Variants in RASGEF1A observed in about 807,000 individuals in gnomAD.
RASGEF1A encodes ras-GEF domain-containing family member 1A.
RASGEF1A carries 18 observed loss-of-function variants against 56.4 expected under a neutral mutation model. The observed-to-expected ratio is 0.32, with a 90% CI of 0.22 to 0.47. The LOEUF is 0.47. Ranked by LOEUF, RASGEF1A falls within the 20% of genes least tolerant of loss-of-function variation. The pLI is 1.00. For synonymous variants in RASGEF1A, 245 were observed against 242.6 expected, an observed-to-expected ratio of 1.01 and a Z score of -0.09; for missense variants, 422 against 627.1, an observed-to-expected ratio of 0.67 and a Z score of 3.49.
At chr10:43,198,813 G>A in intron 9 of RASGEF1A, 120 bp downstream of exon 9, 1 of 892,370 alleles carries the variant, frequency 1.1e-6, no homozygotes. Flanking sequence ...AGCCAGCACT[G>A]TAGGTGCTAG....
chr10:43,226,127 A>C (rs1840277413), intron 1 of RASGEF1A, among the ~76,000 whole-genome samples: 2 of 152,234 alleles, frequency 1.3e-5, no homozygotes, highest in South Asian at 2.1e-4. Flanking sequence ...GCCAGGGCCC[A>C]GCCAGCAGCA....
In RASGEF1A at chr10:43,201,937, C is replaced by T; in HGVS notation, c.330G>A (p.Leu110=). The T allele has an allele frequency of 6.2e-7, 1 of 1,607,356 alleles. No homozygotes were observed. Among genetic ancestry groups the T allele is most frequent in the Non-Finnish European group, 8.5e-7 (1 of 1,175,726 alleles). The change falls in exon 4 of 13, where the codon CTG becomes CTA. Residue 110 remains leucine, a synonymous_variant. Transcript: ENST00000395810. Reference sequence around the variant, plus strand: ...GCACGATCTTGGCTGAGAAAGACTTCAGCTTGGCCTGGGGCAGCAGGGGAT... The same window carrying T: ...GCACGATCTTGGCTGAGAAAGACTTTAGCTTGGCCTGGGGCAGCAGGGGAT... ...QLEAGPEKAK[L]KSFSAKIVQL... is the part of the protein sequence containing the mutation.
At chr10:43,202,109 C>T (rs961340623) in intron 3 of RASGEF1A, among the ~76,000 whole-genome samples, 164 bp from the exon 4 acceptor site, 6 of 152,200 alleles carry the variant, frequency 3.9e-5, no homozygotes, top group Admixed American at 2.0e-4. Context: ...TGAACCGCCA[C>T]ATGACTCCTG....
intron 1 of RASGEF1A, among the ~76,000 whole-genome samples, chr10:43,253,623 G>A (rs897346377): frequency 6.6e-6 from 1 of 152,232 alleles, no homozygotes; most frequent in African/African-American, 2.4e-5. Context: ...GCTGTAGGGA[G>A]CCTCACACAA....
chr10:43,261,895 G>T (rs1018590072), intron 1 of RASGEF1A, among the ~76,000 whole-genome samples: 9 of 152,230 alleles, frequency 5.9e-5, no homozygotes, highest in African/African-American at 2.2e-4. Context: ...AGTCCAGGCA[G>T]GAGAAATCTG....
intron 1 of RASGEF1A, among the ~76,000 whole-genome samples, chr10:43,261,994 G>A (rs533544507): frequency 6.6e-6 from 1 of 152,256 alleles, no homozygotes; most frequent in East Asian, 1.9e-4. Context: ...GTCTCCCCAG[G>A]CCCCAAGGAG....
intron 1 of RASGEF1A, among the ~76,000 whole-genome samples, chr10:43,244,257 G>A (rs1024842257): frequency 5.0e-5 from 7 of 138,630 alleles, no homozygotes; most frequent in South Asian, 5.0e-4. Flanking sequence ...GCCGAAGGCC[G>A]CAGGGACCTC....
chr10:43,262,789 G>A (rs951182238), intron 1 of RASGEF1A, among the ~76,000 whole-genome samples: 1 of 152,244 alleles, frequency 6.6e-6, no homozygotes, highest in Non-Finnish European at 1.5e-5. Flanking sequence ...CATGCCCTGA[G>A]TAGGGGAACA....
At chr10:43,234,292 G>C (rs1320004470) in intron 1 of RASGEF1A, among the ~76,000 whole-genome samples, 1 of 152,200 alleles carries the variant, frequency 6.6e-6, no homozygotes, top group Admixed American at 6.5e-5. Context: ...GTCTGCTGTG[G>C]CCACGCCTGA....
intron 1 of RASGEF1A, among the ~76,000 whole-genome samples, chr10:43,229,317 C>T (rs1447335371): frequency 1.3e-5 from 2 of 152,224 alleles, no homozygotes; most frequent in Non-Finnish European, 2.9e-5. Flanking sequence ...CTCCTCAGAG[C>T]AACAGGTGGT....
chr10:43,249,456 C>T (rs1436451888), intron 1 of RASGEF1A, among the ~76,000 whole-genome samples: 1 of 152,236 alleles, frequency 6.6e-6, no homozygotes, highest in Non-Finnish European at 1.5e-5. Context: ...CTTCTGAAAG[C>T]ACTTCCGTGG....
intron 4 of RASGEF1A, 37 bp downstream of exon 4, chr10:43,201,771 A>G (rs778620709): frequency 6.0e-6 from 9 of 1,511,944 alleles, no homozygotes; most frequent in African/African-American, 1.4e-5. Context: ...CCTGGCACAC[A>G]CCCAAAGACC....
intron 1 of RASGEF1A, among the ~76,000 whole-genome samples, chr10:43,258,157 C>T (rs910507463): frequency 1.3e-5 from 2 of 152,240 alleles, no homozygotes; most frequent in Non-Finnish European, 2.9e-5. Context: ...CCTGCTGGAG[C>T]CCCCAGAACC....
chr10:43,203,197 C>T, intron 3 of RASGEF1A, 101 bp downstream of exon 3: 2 of 1,257,446 alleles, frequency 1.6e-6, no homozygotes, highest in Non-Finnish European at 2.2e-6. Flanking sequence ...ACCCCATCCC[C>T]CAGCTCTACC....
intron 1 of RASGEF1A, among the ~76,000 whole-genome samples, chr10:43,223,906 G>T (rs955831735): frequency 2.6e-5 from 4 of 151,970 alleles, no homozygotes; most frequent in African/African-American, 9.7e-5. Flanking sequence ...AATACATTGG[G>T]CATGAAAAAA....
chr10:43,259,668 C>A (rs1836491473), intron 1 of RASGEF1A, among the ~76,000 whole-genome samples: 1 of 152,230 alleles, frequency 6.6e-6, no homozygotes, highest in South Asian at 2.1e-4. Flanking sequence ...ATAGCCCTCA[C>A]AGGCAGGAAC....
chr10:43,237,767 C>A (rs372263883), intron 1 of RASGEF1A, among the ~76,000 whole-genome samples: 3 of 152,122 alleles, frequency 2.0e-5, no homozygotes, highest in African/African-American at 7.2e-5. Flanking sequence ...AGGGATCCCA[C>A]GACACCCAGC....
chr10:43,267,009 C>T lies in RASGEF1A; in HGVS notation c.-171G>A, dbSNP rs1347126262. On this transcript the variant is annotated 5_prime_UTR_variant, in exon 1 of 13. Transcript: ENST00000395810. ...GCGCCAGCTGCGGGCAGAGCAGCTC[C>T]CTCCGCAGCCGGCGCCGGGGAGCGC... is the stretch of plus-strand genomic sequence containing the variant. 6.7e-6 allele frequency: 1 copy of T among 148,346 alleles called. No individual in the cohort carries two copies. The highest frequency in any genetic ancestry group is 2.4e-5 in the African/African-American group (1 of 41,008). The allele number at this position is 148,346 out of a possible 1,614,324, so 9.2% of individuals were successfully genotyped here.
chr10:43,251,689 G>A (rs1034856065), intron 1 of RASGEF1A, among the ~76,000 whole-genome samples: 1 of 152,160 alleles, frequency 6.6e-6, no homozygotes. Flanking sequence ...CTTGTTGAGC[G>A]CTACCTGGGG....
Sources: gnomAD v4.1 joint callset for allele counts (sites outside exome capture counted in the v4.1 genomes callset) on GRCh38, gnomAD v4.1.1 for gene constraint, MANE v1.5 for transcripts, NCBI Gene and HGNC (gene_info 2026-07-23, HGNC 2026-07-21) for gene names.